Variants in DIAPH3 observed in about 807,000 individuals in gnomAD.
DIAPH3 encodes the protein diaphanous related formin 3.
Under a neutral mutation model 144.3 loss-of-function variants are expected in DIAPH3, and 117 were observed. That is an observed-to-expected ratio of 0.81 (90% CI 0.70 to 0.95). The LOEUF (loss-of-function observed/expected upper bound fraction) is 0.95, where lower values mean the gene tolerates loss of function less well. Among genes scored for constraint, DIAPH3 ranks in the 40% least tolerant of loss-of-function variants. The probability of loss-of-function intolerance (pLI) is 0.00; values close to 1 mark genes in which losing one functional copy is unlikely to be tolerated. For missense variants in DIAPH3, 1,421 were observed against 1,412.7 expected (o/e 1.01, Z -0.09); for synonymous variants, 519 against 488.9 (o/e 1.06, Z -0.81).
intron 17 of DIAPH3, among the ~76,000 whole-genome samples, chr13:59,941,151 A>C (rs535786864): frequency 6.6e-6 from 1 of 152,176 alleles, no homozygotes; most frequent in South Asian, 2.1e-4. Context: ...TATGTGGTTC[A>C]ATTGCAAAAG....
intron 20 of DIAPH3, among the ~76,000 whole-genome samples, chr13:59,881,155 T>G (rs2045010454): frequency 6.9e-6 from 1 of 145,858 alleles, no homozygotes; most frequent in Admixed American, 6.6e-5. Context: ...TCTTAAAATA[T>G]ATTATATTTT....
rs555094044 is a variant in DIAPH3, at chr13:59,861,337, A to G, written c.2737+70T>C. The G allele has an allele frequency of 3.0e-5, 48 of 1,611,076 alleles. No homozygotes were observed. In the African/African-American group the frequency reaches 6.1e-4, roughly 21 times the overall value. ...AGAAAGTGGAAAGTACATACAAATA[A>G]AAGGTATAATTTTCAGTCTTTTAGC... is the stretch of plus-strand genomic sequence containing the variant. On this transcript the variant is annotated intron_variant, in intron 22 of 27. Coordinates refer to ENST00000400324, the MANE Select transcript of DIAPH3 (RefSeq NM_001042517.2).
intron 22 of DIAPH3, among the ~76,000 whole-genome samples, chr13:59,839,943 G>A (rs950453008): frequency 2.6e-5 from 4 of 152,132 alleles, no homozygotes; most frequent in Non-Finnish European, 5.9e-5. Flanking sequence ...AATGACAAAT[G>A]TCAAGCTTTC....
At chr13:59,875,795 T>C (rs9563771) in intron 21 of DIAPH3, among the ~76,000 whole-genome samples, 104,109 of 151,920 alleles carry the variant, frequency 0.69, 36,968 homozygotes, top group East Asian at 0.89. Flanking sequence ...TTGTCATATG[T>C]CACATGAAAT....
intron 27 of DIAPH3, among the ~76,000 whole-genome samples, chr13:59,759,983 A>AC (rs2037494393): frequency 6.6e-6 from 1 of 151,788 alleles, no homozygotes; most frequent in African/African-American, 2.4e-5. Context: ...AAACAAACAA[A>AC]AAGTGATGAA....
At chr13:59,927,704 T>C (rs1207155065) in intron 17 of DIAPH3, among the ~76,000 whole-genome samples, 3 of 152,164 alleles carry the variant, frequency 2.0e-5, no homozygotes, top group Non-Finnish European at 4.4e-5. Context: ...GTAGGTATCA[T>C]CCAATTCTCT....
chr13:59,694,133 C>A (rs978322743), intron 27 of DIAPH3, among the ~76,000 whole-genome samples: 2 of 151,862 alleles, frequency 1.3e-5, no homozygotes, highest in Non-Finnish European at 2.9e-5. Context: ...TATTAAGAAC[C>A]AATAGTTAGC....
At chr13:59,866,285 TAG>T (rs2043920093) in intron 21 of DIAPH3, among the ~76,000 whole-genome samples, 1 of 152,046 alleles carries the variant, frequency 6.6e-6, no homozygotes, top group South Asian at 2.1e-4. Flanking sequence ...AATGGAAATT[TAG>T]AGAGATCATA....
intron 1 of DIAPH3, among the ~76,000 whole-genome samples, chr13:60,142,435 G>A (rs1420759253): frequency 1.3e-5 from 2 of 152,110 alleles, no homozygotes; most frequent in Admixed American, 6.5e-5. Context: ...AATTAGTCTA[G>A]GGGGTAGAGG....
intron 11 of DIAPH3, among the ~76,000 whole-genome samples, chr13:59,991,800 G>A (rs561378561): frequency 6.6e-6 from 1 of 152,050 alleles, no homozygotes; most frequent in South Asian, 2.1e-4. Context: ...AAGGAAAAGT[G>A]TCAAATATAA....
chr13:59,835,653 A>C (rs1182819092), intron 23 of DIAPH3, among the ~76,000 whole-genome samples: 1 of 151,800 alleles, frequency 6.6e-6, no homozygotes, highest in African/African-American at 2.4e-5. Context: ...GAAGAAAAGG[A>C]GAAGAAAGTG....
intron 5 of DIAPH3, among the ~76,000 whole-genome samples, chr13:60,032,429 A>C (rs1025670804): frequency 6.6e-6 from 1 of 152,336 alleles, no homozygotes; most frequent in South Asian, 2.1e-4. Flanking sequence ...TATATCCTCT[A>C]AAATCTAGGC....
chr13:59,899,084 T>C (rs535391148), intron 20 of DIAPH3, among the ~76,000 whole-genome samples: 2 of 152,308 alleles, frequency 1.3e-5, no homozygotes, highest in East Asian at 3.9e-4. Flanking sequence ...TTTTGGACTC[T>C]TGGACTGCAC....
intron 21 of DIAPH3, among the ~76,000 whole-genome samples, chr13:59,875,264 G>C (rs553090494): frequency 6.6e-6 from 1 of 152,170 alleles, no homozygotes; most frequent in East Asian, 1.9e-4. Context: ...TTTTTTATCT[G>C]AAGTTCAGTA....
intron 3 of DIAPH3, among the ~76,000 whole-genome samples, chr13:60,106,965 TGAA>T (rs896312769): frequency 2.6e-5 from 4 of 152,156 alleles, no homozygotes; most frequent in Non-Finnish European, 4.4e-5. Context: ...TATTCCAGAC[TGAA>T]GAAGATTTTA....
intron 27 of DIAPH3, among the ~76,000 whole-genome samples, chr13:59,676,062 G>A (rs959937748): frequency 3.9e-5 from 6 of 152,002 alleles, no homozygotes; most frequent in African/African-American, 7.3e-5. Flanking sequence ...TAGACATTTC[G>A]AATGCACAGG....
At chr13:59,961,002 CTAT>C (rs2049724701) in intron 17 of DIAPH3, among the ~76,000 whole-genome samples, 1 of 152,174 alleles carries the variant, frequency 6.6e-6, no homozygotes, top group Middle Eastern at 3.4e-3. Flanking sequence ...ACAGAATAAT[CTAT>C]TATTATTTTC....
At chr13:60,098,784 G>A (rs779222437) in intron 3 of DIAPH3, among the ~76,000 whole-genome samples, 6 of 152,048 alleles carry the variant, frequency 3.9e-5, no homozygotes, top group Non-Finnish European at 8.8e-5. Flanking sequence ...ATTGTAAAAC[G>A]GCTCTAAAAT....
At chr13:59,728,961 C>T (rs144386675) in intron 27 of DIAPH3, among the ~76,000 whole-genome samples, 174 of 151,968 alleles carry the variant, frequency 1.1e-3, no homozygotes, top group African/African-American at 4.1e-3. Flanking sequence ...GGACAGCTGA[C>T]TGTGCACCAC....
Sources: allele counts gnomAD v4.1 joint callset (sites outside exome capture counted in the v4.1 genomes callset), GRCh38; gene constraint gnomAD v4.1.1; transcripts MANE v1.5; gene names NCBI Gene and HGNC (gene_info 2026-07-23, HGNC 2026-07-21).